The following CTDP1 variants were observed in gnomAD, a reference collection of about 807,000 sequenced individuals.
CTDP1 encodes the protein RNA polymerase II subunit A C-terminal domain phosphatase.
A neutral mutation model predicts 91.8 loss-of-function variants in CTDP1; 47 were observed. The observed-to-expected ratio is 0.51, with a 90% CI of 0.41 to 0.65. The LOEUF (loss-of-function observed/expected upper bound fraction) is 0.65. Among genes scored for constraint, CTDP1 ranks in the 30% least tolerant of loss-of-function variants. The probability of loss-of-function intolerance (pLI) is 0.00; values close to 1 mark genes in which losing one functional copy is unlikely to be tolerated. For synonymous variants in CTDP1, 656 were observed against 598.5 expected (o/e 1.10, Z -1.40); for missense variants, 1,272 against 1,373.7 (o/e 0.93, Z 1.17).
At chr18:79,720,568 C>T (rs542464568) in intron 10 of CTDP1, among the ~76,000 whole-genome samples, 1 of 150,362 alleles carries the variant, frequency 6.7e-6, no homozygotes, top group East Asian at 2.0e-4. Context: ...CACCTCCCAT[C>T]GTGTCCTGGT....
chr18:79,704,066 C>G (rs1302065162), intron 4 of CTDP1, among the ~76,000 whole-genome samples: 2 of 152,108 alleles, frequency 1.3e-5, no homozygotes, highest in African/African-American at 4.8e-5. Flanking sequence ...ACAGTTGTTG[C>G]AGGTAGGTGG....
intron 5 of CTDP1, among the ~76,000 whole-genome samples, chr18:79,708,963 C>T (rs978986550): frequency 4.6e-5 from 7 of 152,340 alleles, no homozygotes; most frequent in Admixed American, 3.9e-4. Context: ...CCCTTAAACA[C>T]GTTATGTGGG....
intron 4 of CTDP1, among the ~76,000 whole-genome samples, chr18:79,701,607 G>T (rs1355878381): frequency 2.0e-5 from 3 of 152,136 alleles, no homozygotes; most frequent in Non-Finnish European, 4.4e-5. Context: ...AGCTGCCTTA[G>T]AGAGCAATTC....
intron 11 of CTDP1, chr18:79,736,127 G>T: frequency 3.3e-6 from 2 of 600,752 alleles, no homozygotes; most frequent in South Asian, 4.0e-5. Flanking sequence ...CCCAATCTTT[G>T]CCTGCGAACC....
At chr18:79,753,601 G>A (rs374534181) in intron 12 of CTDP1, 51 bp from the exon 13 acceptor site, 908 of 1,613,660 alleles carry the variant, frequency 5.6e-4, no homozygotes, top group Non-Finnish European at 7.0e-4. Context: ...GCGGTGACCC[G>A]GCGTTGTGCG....
Position 79,704,704 on chromosome 18 carries a change from G to T in CTDP1, c.622-63G>T. The T allele has an allele frequency of 3.1e-6, 5 of 1,603,808 alleles. No individual in the cohort carries two copies. The South Asian group carries it at 3.3e-5, about 11-fold the overall frequency. ...CAGGATGCCTGTCTCGGGCACACAG[G>T]TTGCGGGGGCGGCCGGGGCTCCTCA... On this transcript the variant is annotated intron_variant, in intron 4 of 12. Coordinates refer to ENST00000613122, the MANE Select transcript of CTDP1 (RefSeq NM_004715.5).
intron 11 of CTDP1, among the ~76,000 whole-genome samples, chr18:79,729,551 C>A (rs1205749415): frequency 1.3e-5 from 2 of 152,228 alleles, no homozygotes; most frequent in East Asian, 3.9e-4. Flanking sequence ...ACTGGTGATT[C>A]TCACAGCATC....
At chr18:79,747,247 G>A (rs905135894) in intron 12 of CTDP1, among the ~76,000 whole-genome samples, 4 of 152,140 alleles carry the variant, frequency 2.6e-5, no homozygotes, top group South Asian at 2.1e-4. Context: ...GTGAGCGCCC[G>A]GCCAGCTCCC....
rs1373343995 is a variant in CTDP1, at chr18:79,753,664, G to A, written c.2760G>A (p.Arg920=). 6.2e-7 allele frequency: 1 copy of A among 1,614,078 alleles called. No homozygotes were observed. Among genetic ancestry groups the A allele is most frequent in the Non-Finnish European group, 8.5e-7 (1 of 1,180,024 alleles). Residue 920 remains arginine, a synonymous_variant, in exon 13 of 13, where the codon AGG becomes AGA. Coordinates refer to ENST00000613122, the MANE Select transcript of CTDP1 (RefSeq NM_004715.5). ...TGCTTCTCTGCAGAGGCCACAAGAG[G>A]AAGCTGAATGAAGAGGACGCCGCCA... The part of the protein sequence containing the change: ...AGGRGPRGHK[R]KLNEEDAASE...
At chr18:79,704,674 G>T in intron 4 of CTDP1, 93 bp from the exon 5 acceptor site, 2 of 1,534,226 alleles carry the variant, frequency 1.3e-6, no homozygotes, top group Non-Finnish European at 8.9e-7. Flanking sequence ...GCACACGTGT[G>T]TTCTCAGGAT....
chr18:79,720,480 C>A (rs2086320138), intron 10 of CTDP1, among the ~76,000 whole-genome samples: 1 of 149,344 alleles, frequency 6.7e-6, no homozygotes, highest in African/African-American at 2.5e-5. Context: ...AGGAGGGCGT[C>A]CTCGTGATGA....
Position 79,699,018 on chromosome 18 carries a change from A to G in CTDP1, c.621+1030A>G, listed in dbSNP as rs939588097. 4.6e-5 allele frequency among the ~76,000 whole-genome samples: 7 copies of G among 152,146 alleles called. No individual in the cohort carries two copies. The South Asian group carries it at 1.4e-3, about 32-fold the overall frequency. ...CTGCACAGACCCCCCAGGTGGCACA[A>G]ACTCTCGCGTTTTATGCTGTTTGCA... On this transcript the variant is annotated intron_variant, in intron 4 of 12. Coordinates refer to ENST00000613122, the MANE Select transcript of CTDP1 (RefSeq NM_004715.5).
chr18:79,715,928 G>C (rs190150682), intron 8 of CTDP1, among the ~76,000 whole-genome samples: 5 of 152,336 alleles, frequency 3.3e-5, no homozygotes, highest in African/African-American at 7.2e-5. Context: ...CAGCTGAAAC[G>C]TGCACAGAAG....
chr18:79,693,550 A>G (rs1257675631), intron 1 of CTDP1, among the ~76,000 whole-genome samples: 2 of 152,192 alleles, frequency 1.3e-5, no homozygotes, highest in Non-Finnish European at 2.9e-5. Flanking sequence ...GCACGTATAC[A>G]TGACGAGATG....
At chr18:79,685,225 T>C (rs546069033) in intron 1 of CTDP1, 1 of 152,356 alleles carries the variant, frequency 6.6e-6, no homozygotes, top group African/African-American at 2.4e-5. Flanking sequence ...ATAGTGTTTG[T>C]CTGCTTTTAT....
intron 5 of CTDP1, among the ~76,000 whole-genome samples, chr18:79,708,226 A>G (rs772365252): frequency 3.3e-5 from 5 of 152,218 alleles, no homozygotes; most frequent in East Asian, 1.9e-4. Flanking sequence ...TGCATTGTGC[A>G]TAGTGCCGTG....
intron 12 of CTDP1, among the ~76,000 whole-genome samples, chr18:79,746,386 T>C (rs1439020954): frequency 6.6e-6 from 1 of 152,112 alleles, no homozygotes; most frequent in Non-Finnish European, 1.5e-5. Flanking sequence ...TGTCCGTGCG[T>C]CCCTCCCATG....
Position 79,753,931 on chromosome 18 carries a change from A to G in CTDP1, c.*141A>G, listed in dbSNP as rs2087053194. The stretch of plus-strand genomic sequence containing the variant: ...TGCAGAGCTCCACATACAGAAACAC[A>G]TTATTTTGCAGAAATAGGTGTTTTT... On this transcript the variant is annotated 3_prime_UTR_variant, in exon 13 of 13. Transcript: ENST00000613122. The G allele has an allele frequency of 4.2e-5, 49 of 1,166,454 alleles. No individual in the cohort carries two copies. The South Asian group carries it at 7.0e-4, about 17-fold the overall frequency. The allele number at this position is 1,166,454 out of a possible 1,614,324, so 72.3% of individuals were successfully genotyped here.
chr18:79,683,344 C>G (rs923169424), intron 1 of CTDP1, among the ~76,000 whole-genome samples: 6 of 152,206 alleles, frequency 3.9e-5, no homozygotes, highest in African/African-American at 1.4e-4. Context: ...TAGAGTACCC[C>G]TTTCAGATTA....
Sources: gnomAD v4.1 joint callset for allele counts (sites outside exome capture counted in the v4.1 genomes callset) on GRCh38, gnomAD v4.1.1 for gene constraint, MANE v1.5 for transcripts, NCBI Gene and HGNC (gene_info 2026-07-23, HGNC 2026-07-21) for gene names.